Variants in CATSPERE observed in about 807,000 individuals in gnomAD.
The protein encoded by CATSPERE is cation channel sperm-associated auxiliary subunit epsilon.
In CATSPERE, 93 loss-of-function variants were observed where a neutral mutation model predicts 114.1. The observed-to-expected ratio is 0.81, with a 90% confidence interval of 0.69 to 0.97. The LOEUF (loss-of-function observed/expected upper bound fraction) is 0.97. CATSPERE is among the 50% of genes least tolerant of loss of function. The probability of loss-of-function intolerance (pLI) is 0.00; values close to 1 mark genes in which losing one functional copy is unlikely to be tolerated. For missense variants in CATSPERE, 1,058 were observed against 1,131.6 expected, an observed-to-expected ratio of 0.93 and a Z score of 0.93; for synonymous variants, 341 against 384.1, an observed-to-expected ratio of 0.89 and a Z score of 1.31.
chr1:244,542,196 TG>T (rs1251292162), intron 8 of CATSPERE, among the ~76,000 whole-genome samples: 1 of 148,704 alleles, frequency 6.7e-6, no homozygotes. Context: ...AACCAAGCCC[TG>T]GTGCTTTCCT....
In CATSPERE at chr1:244,605,707, T is replaced by G; in HGVS notation, c.2316T>G (p.Asn772Lys). The G allele has an allele frequency of 6.2e-7, 1 of 1,608,314 alleles. No homozygotes were observed. The highest frequency in any genetic ancestry group is 8.5e-7 in the Non-Finnish European group (1 of 1,174,992). ...TTGTTTCTTTCAGATTTGATGATAA[T>G]GGCTATGTTAAAGACGTTGAAGCAA... ...FQPVVQLFDD[N>K]GYVKDVEANF... Residue 772 changes from asparagine to lysine, a missense_variant, in exon 18 of 22, where the codon AAT becomes AAG. Asn to Lys is a moderately conservative substitution (Grantham distance 94). Coordinates refer to ENST00000366534, the MANE Select transcript of CATSPERE (RefSeq NM_001130957.2).
rs59466928 is a variant in CATSPERE, at chr1:244,566,652, C to CTTTTT, written c.1507+5538_1507+5542dup. The stretch of plus-strand genomic sequence containing the variant: ...TCAGAGACTAGGATTGCAACCCCTG[C>CTTTTT]TTTTTTTTTTTTTTTTTTTTTTTTT... On this transcript the variant is annotated intron_variant, in intron 10 of 21. Transcript: ENST00000366534. Among the ~76,000 whole-genome samples, 120 of 48,816 alleles carry CTTTTT rather than the reference C, an allele frequency of 2.5e-3. 2 individuals are homozygous for CTTTTT. The highest frequency in any genetic ancestry group is 3.2e-3 in the Non-Finnish European group (45 of 14,194). 32.0% of individuals were successfully genotyped at this position (48,816 alleles called of 152,430 possible).
chr1:244,469,207 AC>A (rs1408966464), intron 2 of CATSPERE, among the ~76,000 whole-genome samples: 2 of 152,176 alleles, frequency 1.3e-5, no homozygotes, highest in African/African-American at 2.4e-5. Context: ...CATCTTTGAA[AC>A]TTTTATTAGT....
Position 244,593,595 on chromosome 1 carries a change from C to T in CATSPERE, c.2303+17C>T, listed in dbSNP as rs747692763. On this transcript the variant is annotated intron_variant, in intron 17 of 21. Transcript: ENST00000366534. ...GGTTCAACTGTAAGTATATTCTCAT[C>T]AACATTTTAACTTATATTGAAAGTT... 2.5e-6 allele frequency: 4 copies of T among 1,593,562 alleles called. No homozygotes were observed. The highest frequency in any genetic ancestry group is 3.4e-5 in the Admixed American group (2 of 58,306).
rs1672045778 is a variant in CATSPERE, at chr1:244,621,038, A to AAATATATATAAATATATATAT, written c.2648+3362_2648+3363insAATATATATATAATATATATA. Among the ~76,000 whole-genome samples, 6 of 74,394 alleles carry AAATATATATAAATATATATAT rather than the reference A, an allele frequency of 8.1e-5. 3 individuals are homozygous for AAATATATATAAATATATATAT. The highest frequency in any genetic ancestry group is 4.0e-4 in the African/African-American group (6 of 15,078). 48.8% of individuals were successfully genotyped at this position (74,394 alleles called of 152,430 possible). Reference sequence around the variant, plus strand: ...TATAAAATATATATAAATATATATAAAATATATATATAAATATATATAAAT... The same window carrying AAATATATATAAATATATATAT: ...TATAAAATATATATAAATATATATAAAATATATATAAATATATATATAATATATATATAAATATATATAAAT... On this transcript the variant is annotated intron_variant, in intron 20 of 21. Transcript: ENST00000366534.
At chr1:244,488,418 T>G (rs151191722) in intron 5 of CATSPERE, among the ~76,000 whole-genome samples, 16 of 152,330 alleles carry the variant, frequency 1.1e-4, no homozygotes, top group Non-Finnish European at 2.4e-4. Flanking sequence ...ACCTTAAATG[T>G]CAATTCAATC....
chr1:244,621,546 C>G (rs547488000), intron 20 of CATSPERE, among the ~76,000 whole-genome samples: 2 of 151,212 alleles, frequency 1.3e-5, no homozygotes, highest in Non-Finnish European at 2.9e-5. Context: ...CAGAAAATCC[C>G]GAAAGGAAAA....
At position 244,536,650 on chromosome 1, in the gene CATSPERE, T is replaced by C. The variant is rs114617186; in HGVS notation, c.537-15672T>C. Reference sequence around the variant, plus strand: ...CTACCGAGATGGGGAAGGGGTGACGTTGGCAACTCAAGACTGTCTTTCCCA... The same window carrying C: ...CTACCGAGATGGGGAAGGGGTGACGCTGGCAACTCAAGACTGTCTTTCCCA... On this transcript the variant is annotated intron_variant, in intron 8 of 21. Transcript: ENST00000366534. 4.8e-3 allele frequency among the ~76,000 whole-genome samples: 726 copies of C among 152,284 alleles called. 6 individuals carry two copies. Among genetic ancestry groups the C allele is most frequent in the African/African-American group, 0.017 (694 of 41,552 alleles).
chr1:244,470,566 G>A (rs1187341390), intron 2 of CATSPERE, among the ~76,000 whole-genome samples: 2 of 152,200 alleles, frequency 1.3e-5, no homozygotes, highest in East Asian at 3.8e-4. Context: ...GCTGTCAAAT[G>A]TCAAATGGTG....
intron 8 of CATSPERE, among the ~76,000 whole-genome samples, chr1:244,550,852 C>G (rs564527407): frequency 1.6e-3 from 247 of 152,308 alleles, no homozygotes; most frequent in African/African-American, 5.7e-3. Flanking sequence ...GAACATCTTT[C>G]AACCTGCTGT....
At chr1:244,458,745 AT>A (rs1212609444), upstream of CATSPERE, among the ~76,000 whole-genome samples, 1 of 152,214 alleles carries the variant, frequency 6.6e-6, no homozygotes, top group Admixed American at 6.5e-5. Context: ...AATATTCTCA[AT>A]TTATGGCAGT....
intron 7 of CATSPERE, among the ~76,000 whole-genome samples, chr1:244,505,992 C>T (rs890258514): frequency 3.9e-5 from 6 of 151,966 alleles, no homozygotes; most frequent in South Asian, 2.1e-4. Flanking sequence ...GGTGACAGAG[C>T]GAGACCCCAT....
chr1:244,609,146 A>G (rs1311656865), intron 18 of CATSPERE, among the ~76,000 whole-genome samples: 1 of 152,020 alleles, frequency 6.6e-6, no homozygotes, highest in Admixed American at 6.6e-5. Context: ...AGATTGTACC[A>G]CTGCACTCCA....
At chr1:244,510,600 G>A (rs537400811) in intron 7 of CATSPERE, among the ~76,000 whole-genome samples, 3 of 152,224 alleles carry the variant, frequency 2.0e-5, no homozygotes, top group Admixed American at 6.5e-5. Context: ...TATGCAAAAT[G>A]TTTTGTAAAT....
intron 7 of CATSPERE, among the ~76,000 whole-genome samples, chr1:244,510,702 G>C (rs1471993379): frequency 6.6e-6 from 1 of 151,822 alleles, no homozygotes; most frequent in Non-Finnish European, 1.5e-5. Flanking sequence ...GCTGAGAGTG[G>C]GGTGTTGAAC....
At chr1:244,466,626 A>G (rs904034244) in intron 2 of CATSPERE, among the ~76,000 whole-genome samples, 3 of 152,160 alleles carry the variant, frequency 2.0e-5, no homozygotes, top group Non-Finnish European at 2.9e-5. Flanking sequence ...ACCACTCTAG[A>G]TATTTCAAGC....
intron 21 of CATSPERE, among the ~76,000 whole-genome samples, chr1:244,637,121 C>T (rs534383486): frequency 5.3e-5 from 8 of 152,168 alleles, no homozygotes; most frequent in African/African-American, 1.7e-4. Flanking sequence ...CTGCCATGTA[C>T]CTCAGGGGGC....
chr1:244,581,211 G>A (rs879011879), intron 11 of CATSPERE, among the ~76,000 whole-genome samples: 3 of 151,944 alleles, frequency 2.0e-5, no homozygotes, highest in Admixed American at 1.3e-4. Context: ...TGAATATGAC[G>A]CTTATGAAAG....
At chr1:244,628,657 C>T (rs1673505087) in intron 20 of CATSPERE, among the ~76,000 whole-genome samples, 1 of 152,122 alleles carries the variant, frequency 6.6e-6, no homozygotes, top group Admixed American at 6.5e-5. Flanking sequence ...TGCCTCAGGC[C>T]ATCTCTCCTA....
Sources: allele counts gnomAD v4.1 joint callset (sites outside exome capture counted in the v4.1 genomes callset), GRCh38; gene constraint gnomAD v4.1.1; transcripts MANE v1.5; gene names NCBI Gene and HGNC (gene_info 2026-07-23, HGNC 2026-07-21).